The following NRAP variants were observed in gnomAD, a reference collection of about 807,000 sequenced individuals.
NRAP encodes nebulin-related-anchoring protein.
NRAP carries 189 observed loss-of-function variants against 225.9 expected under a neutral mutation model. The ratio of observed to expected loss-of-function variants is 0.84; its 90% CI spans 0.74 to 0.94. The LOEUF (loss-of-function observed/expected upper bound fraction) is 0.94, where lower values mean the gene tolerates loss of function less well. NRAP is among the 40% of genes least tolerant of loss of function. NRAP has a pLI of 0.00. For missense variants in NRAP, 2,176 were observed against 2,168.7 expected (o/e 1.00, Z -0.07); for synonymous variants, 769 against 790.7 (o/e 0.97, Z 0.46).
chr10:113,614,992 G>C, intron 27 of NRAP, 46 bp from the exon 28 acceptor site: 1 of 1,166,846 alleles, frequency 8.6e-7, no homozygotes, highest in Non-Finnish European at 1.3e-6. Context: ...GTGACCTGGT[G>C]GTTTCCTAAA....
chr10:113,637,131 C>G (rs1452239085), intron 14 of NRAP, among the ~76,000 whole-genome samples: 1 of 152,046 alleles, frequency 6.6e-6, no homozygotes, highest in Non-Finnish European at 1.5e-5. Flanking sequence ...GTATTCATTT[C>G]ATTTTTGCCT....
intron 7 of NRAP, 97 bp from the exon 8 acceptor site, chr10:113,650,642 C>T (rs1244719731): frequency 4.1e-5 from 33 of 799,568 alleles, no homozygotes; most frequent in Non-Finnish European, 6.9e-5. Flanking sequence ...TGCCCATCTC[C>T]TGTCATAGCT....
chr10:113,641,476 C>T lies in NRAP; in HGVS notation c.1216-4G>A. ...GGTAGTTTTCTTTATATTTATTCTA[C>T]ATGGAAACGCAAAGTTTTCAACCAA... On this transcript the variant is annotated splice_region_variant and splice_polypyrimidine_tract_variant and intron_variant, in intron 12 of 41. Transcript: ENST00000359988. 1.3e-6 allele frequency: 2 copies of T among 1,583,468 alleles called. No individual in the cohort carries two copies. The highest frequency in any genetic ancestry group is 1.7e-6 in the Non-Finnish European group (2 of 1,152,650).
intron 15 of NRAP, 80 bp downstream of exon 15, chr10:113,634,032 C>A: frequency 1.2e-6 from 1 of 864,588 alleles, no homozygotes; most frequent in South Asian, 1.4e-5. Flanking sequence ...AAGTCAAATC[C>A]TTGGAGGTCA....
At chr10:113,619,189 C>T (rs1373568946) in intron 25 of NRAP, among the ~76,000 whole-genome samples, 7 of 152,126 alleles carry the variant, frequency 4.6e-5, no homozygotes, top group Non-Finnish European at 5.9e-5. Flanking sequence ...CCCTTGGCTG[C>T]CAGATTAAGA....
intron 12 of NRAP, among the ~76,000 whole-genome samples, chr10:113,642,329 T>C (rs1849250766): frequency 6.6e-6 from 1 of 152,176 alleles, no homozygotes; most frequent in Non-Finnish European, 1.5e-5. Flanking sequence ...ACTACATTTA[T>C]GCAAAATAAA....
In NRAP at chr10:113,639,535, T is replaced by A. The variant is rs3121463; in HGVS notation, c.1428+692A>T. Among the ~76,000 whole-genome samples the A allele has an allele frequency of 4.6e-5, 7 of 152,178 alleles. No homozygotes were observed. In the East Asian group the frequency reaches 7.7e-4, roughly 17 times the overall value. ...TATTGATTGATTGGAGATAACCTTC[T>A]CTGGCAACCACAATACAACCTTTCT... On this transcript the variant is annotated intron_variant, in intron 14 of 41. Transcript: ENST00000359988.
At position 113,604,927 on chromosome 10, in the gene NRAP, G is replaced by T. The variant is rs575344936; in HGVS notation, c.3916-7C>A. The T allele has an allele frequency of 6.2e-7, 1 of 1,607,272 alleles. No homozygotes were observed. Among genetic ancestry groups the T allele is most frequent in the African/African-American group, 1.3e-5 (1 of 74,834 alleles). Reference sequence around the variant, plus strand: ...AGTCATGTCTGTAGAGAAACTGCAAGAAAGGGCTGGCCGGTCAAATTCTAT... The same window carrying T: ...AGTCATGTCTGTAGAGAAACTGCAATAAAGGGCTGGCCGGTCAAATTCTAT... On this transcript the variant is annotated splice_polypyrimidine_tract_variant and splice_region_variant and intron_variant, in intron 34 of 41. Transcript: ENST00000359988.
At position 113,629,749 on chromosome 10, in the gene NRAP, G is replaced by C. The variant is rs141990446; in HGVS notation, c.1879C>G (p.Arg627Gly). Residue 627 changes from arginine (R) to glycine (G), a missense_variant, in exon 19 of 42, where the codon CGG (arginine) becomes GGG (glycine). By Grantham distance (125) the Arg-to-Gly change is moderately radical. Around this residue, in one of 3 missense-constraint regions of NRAP, gnomAD observed 1,708 missense variants for 1,695.5 expected, o/e 1.01. Coordinates refer to ENST00000359988, the MANE Select transcript of NRAP (RefSeq NM_198060.4). The stretch of plus-strand genomic sequence containing the variant: ...ACCATATCCATGGGCAGGTGAAACC[G>C]GGTCTTACTCTCTTCAAAGCCTTTC... ...YKKGFEESKTRFHLPMDMVNI... is the reference protein window; with the variant it reads ...YKKGFEESKTGFHLPMDMVNI... 2.6e-4 allele frequency: 419 copies of C among 1,613,770 alleles called. No homozygotes were observed. The highest frequency in any genetic ancestry group is 3.4e-4 in the Non-Finnish European group (401 of 1,179,808).
intron 35 of NRAP, among the ~76,000 whole-genome samples, chr10:113,601,185 C>T (rs1165029080): frequency 6.6e-6 from 1 of 152,294 alleles, no homozygotes; most frequent in East Asian, 1.9e-4. Flanking sequence ...CAAGACTGGG[C>T]CGGGCTGGTC....
rs894754573 is a variant in NRAP at position 113,607,812 on chromosome 10, G to A, written c.3702+602C>T. ...CCTGTAAGAGAGCCACTAAGAAGAA[G>A]TAGAATCAATGAGGCTGGAATGATA... On this transcript the variant is annotated intron_variant, in intron 32 of 41. Coordinates refer to ENST00000359988, the MANE Select transcript of NRAP (RefSeq NM_198060.4). Among the ~76,000 whole-genome samples, 19 of 152,194 alleles carry A rather than the reference G, an allele frequency of 1.2e-4. 1 individual carries two copies.
intron 27 of NRAP, 128 bp from the exon 28 acceptor site, chr10:113,615,074 ATCATGG>A (rs1847568321): frequency 1.5e-6 from 1 of 649,216 alleles, no homozygotes; most frequent in African/African-American, 1.8e-5. Context: ...GGAGTTAGAG[ATCATGG>A]TGGCTTAGCT....
chr10:113,647,889 C>T (rs1217205162), intron 9 of NRAP, among the ~76,000 whole-genome samples: 1 of 152,238 alleles, frequency 6.6e-6, no homozygotes, highest in Non-Finnish European at 1.5e-5. Flanking sequence ...CCCACACCAT[C>T]CATCCACTCC....
rs140861697 is a variant in NRAP, at chr10:113,624,851, C to T, written c.2324G>A (p.Arg775Gln). 3.3e-5 allele frequency: 54 copies of T among 1,614,008 alleles called. No homozygotes were observed. In the East Asian group the frequency reaches 3.8e-4, roughly 11 times the overall value. The change falls in exon 22 of 42, where the codon CGA becomes CAA. Residue 775 changes from arginine to glutamine, a missense_variant. This residue lies in a region of NRAP where 1,708 missense variants were observed against 1,695.5 expected (regional missense o/e 1.01). Transcript: ENST00000359988. Reference protein sequence around the residue: ...SKDEPLFLQARANAANLSEKL... With the variant: ...SKDEPLFLQAQANAANLSEKL... ...CTCGCTGAGATTTGCAGCATTGGCT[C>T]GGGCCTGCAGGAAGAGAGGCTCGTC...
rs1259989113 is a variant in NRAP at position 113,614,309 on chromosome 10, A to G, written c.3187-13T>C. On this transcript the variant is annotated splice_polypyrimidine_tract_variant and intron_variant, in intron 28 of 41. Transcript: ENST00000359988. ...CTTTGTATTTGTACTAAAGGGAAAG[A>G]GAGCGGGAGAGAGGAACAGCTCAGG... 2.6e-6 allele frequency: 4 copies of G among 1,530,122 alleles called. No individual in the cohort carries two copies. In the Admixed American group the frequency reaches 6.7e-5, roughly 26 times the overall value. The allele number at this position is 1,530,122 out of a possible 1,614,324, so 94.8% of individuals were successfully genotyped here.
intron 4 of NRAP, among the ~76,000 whole-genome samples, chr10:113,656,179 T>C (rs1850296986): frequency 6.6e-6 from 1 of 152,232 alleles, no homozygotes. Flanking sequence ...AGGCTTCATC[T>C]GCATGATAAA....
At chr10:113,595,504 C>T (rs1226488296) in intron 38 of NRAP, 119 bp downstream of exon 38, 1 of 645,044 alleles carries the variant, frequency 1.6e-6, no homozygotes, top group Non-Finnish European at 2.8e-6. Context: ...AGTTCAGTGT[C>T]CTTTCTGTTC....
At chr10:113,640,503 C>T (rs1246861883) in intron 13 of NRAP, among the ~76,000 whole-genome samples, 172 bp from the exon 14 acceptor site, 1 of 152,050 alleles carries the variant, frequency 6.6e-6, no homozygotes, top group Non-Finnish European at 1.5e-5. Flanking sequence ...ATCTGAATTC[C>T]TCTTAATTAG....
chr10:113,647,073 A>ATCTGGGGAGG, intron 9 of NRAP, 46 bp from the exon 10 acceptor site: 1 of 1,233,240 alleles, frequency 8.1e-7, no homozygotes, highest in Non-Finnish European at 1.2e-6. Context: ...TTCCCTCCCC[A>ATCTGGGGAGG]GATGGGTGGG....
Sources: allele counts gnomAD v4.1 joint callset (sites outside exome capture counted in the v4.1 genomes callset), GRCh38; gene constraint gnomAD v4.1.1; regional missense constraint gnomAD v4.1.1; transcripts MANE v1.5; gene names NCBI Gene and HGNC (gene_info 2026-07-23, HGNC 2026-07-21).